Variants in IFT74 observed in about 807,000 individuals in gnomAD.
IFT74 encodes intraflagellar transport 74, also known as intraflagellar transport protein 74 homolog.
A neutral mutation model predicts 96.7 loss-of-function variants in IFT74; 92 were observed. The observed-to-expected ratio is 0.95, with a 90% CI of 0.80 to 1.13. IFT74 has a LOEUF of 1.13. Among genes scored for constraint, IFT74 ranks in the 50% most tolerant of loss-of-function variants. The pLI is 0.00. For missense variants in IFT74, 811 were observed against 698.2 expected (o/e 1.16, Z -1.82); for synonymous variants, 223 against 213.2 (o/e 1.05, Z -0.40).
intron 13 of IFT74, among the ~76,000 whole-genome samples, chr9:27,038,926 G>A (rs573203136): frequency 2.9e-4 from 44 of 152,260 alleles, no homozygotes; most frequent in Admixed American, 1.6e-3. Flanking sequence ...AGGAGAAACA[G>A]CTTCCTAGAA....
chr9:26,952,280 CTTT>C (rs201440207), upstream of IFT74, among the ~76,000 whole-genome samples: 3 of 141,650 alleles, frequency 2.1e-5, no homozygotes, highest in Admixed American at 7.1e-5. Context: ...TTTTTTTAAC[CTTT>C]TTTTTTTTTT....
At chr9:26,957,640 G>A (rs763517295) in intron 1 of IFT74, among the ~76,000 whole-genome samples, 1 of 152,178 alleles carries the variant, frequency 6.6e-6, no homozygotes, top group Non-Finnish European at 1.5e-5. Flanking sequence ...TTAGTGAGCC[G>A]TACACATAGT....
chr9:26,968,786 T>G (rs1234823151), intron 2 of IFT74, among the ~76,000 whole-genome samples: 3 of 148,022 alleles, frequency 2.0e-5, no homozygotes, highest in African/African-American at 7.3e-5. Context: ...TGATTATATT[T>G]ATTTGAGTCT....
chr9:26,947,962 C>T (rs949185472), intron 1 of IFT74, among the ~76,000 whole-genome samples: 1 of 152,150 alleles, frequency 6.6e-6, no homozygotes, highest in Admixed American at 6.5e-5. Context: ...TATTGAGTGC[C>T]AGGGTAAACA....
intron 12 of IFT74, among the ~76,000 whole-genome samples, chr9:27,024,580 C>T (rs961940144): frequency 2.6e-5 from 4 of 152,084 alleles, no homozygotes; most frequent in African/African-American, 9.7e-5. Flanking sequence ...ACCAGTAAAA[C>T]AATTCTGGTA....
At chr9:27,058,436 A>G (rs1429906620) in intron 18 of IFT74, among the ~76,000 whole-genome samples, 1 of 151,234 alleles carries the variant, frequency 6.6e-6, no homozygotes, top group Non-Finnish European at 1.5e-5. Flanking sequence ...CCCAGGCTGG[A>G]GTGCAGTGGT....
intron 1 of IFT74, among the ~76,000 whole-genome samples, chr9:26,948,594 G>A (rs918391264): frequency 6.6e-6 from 1 of 150,806 alleles, no homozygotes; most frequent in Non-Finnish European, 1.5e-5. Context: ...AGCCTCCCGA[G>A]TAGCTGGGAC....
At chr9:27,012,733 T>TTTTTTTTTTC (rs1829155568) in intron 10 of IFT74, among the ~76,000 whole-genome samples, 1 of 145,470 alleles carries the variant, frequency 6.9e-6, no homozygotes, top group African/African-American at 2.6e-5. Flanking sequence ...TTTTTTTTTT[T>TTTTTTTTTTC]TTAGACAGAG....
upstream of IFT74, among the ~76,000 whole-genome samples, chr9:26,952,100 G>A (rs991690838): frequency 7.2e-5 from 11 of 152,022 alleles, no homozygotes; most frequent in African/African-American, 2.2e-4. Flanking sequence ...TTTAGTAAGC[G>A]TTTTTCTTGG....
intron 10 of IFT74, among the ~76,000 whole-genome samples, chr9:27,015,691 T>C (rs1019218173): frequency 1.2e-4 from 18 of 152,146 alleles, no homozygotes; most frequent in African/African-American, 4.3e-4. Context: ...TTGTTCAAGT[T>C]GTAGGTCCGG....
chr9:26,953,214 C>CA (rs1281280582), upstream of IFT74, among the ~76,000 whole-genome samples: 1 of 152,098 alleles, frequency 6.6e-6, no homozygotes, highest in Non-Finnish European at 1.5e-5. Context: ...CAAATGCCTT[C>CA]AGGTTAAAAT....
At chr9:26,981,063 C>T (rs1827355355) in intron 4 of IFT74, among the ~76,000 whole-genome samples, 1 of 152,088 alleles carries the variant, frequency 6.6e-6, no homozygotes, top group South Asian at 2.1e-4. Context: ...AGTGGAAGGG[C>T]AAAAGGTGCT....
intron 7 of IFT74, among the ~76,000 whole-genome samples, chr9:26,989,668 C>T (rs182768729): frequency 6.9e-4 from 105 of 152,024 alleles, no homozygotes; most frequent in African/African-American, 2.3e-3. Flanking sequence ...AAAGTAAAAA[C>T]CTTATGTGTT....
At chr9:26,967,773 A>G (rs1388901600) in intron 2 of IFT74, among the ~76,000 whole-genome samples, 4 of 152,098 alleles carry the variant, frequency 2.6e-5, no homozygotes, top group Admixed American at 6.6e-5. Flanking sequence ...TTCCTTCTAT[A>G]CCTGGTTTTT....
At chr9:27,050,702 A>G (rs1181507000) in intron 16 of IFT74, among the ~76,000 whole-genome samples, 1 of 125,630 alleles carries the variant, frequency 8.0e-6, no homozygotes, top group African/African-American at 3.1e-5. Context: ...ACTTGGACAC[A>G]GGAAGGGGGA....
intron 2 of IFT74, among the ~76,000 whole-genome samples, chr9:26,969,380 C>T (rs1826780649): frequency 6.6e-6 from 1 of 151,754 alleles, no homozygotes; most frequent in Non-Finnish European, 1.5e-5. Flanking sequence ...GTATGTATAG[C>T]TACTCCTGCT....
chr9:27,012,735 T>C (rs796158968), intron 10 of IFT74, among the ~76,000 whole-genome samples: 3 of 118,094 alleles, frequency 2.5e-5, no homozygotes, highest in East Asian at 2.2e-4. Context: ...TTTTTTTTTT[T>C]AGACAGAGTA....
intron 8 of IFT74, chr9:26,995,739 T>C: frequency 1.9e-6 from 3 of 1,613,908 alleles, no homozygotes; most frequent in Non-Finnish European, 2.5e-6. Flanking sequence ...CTAAGCAGAA[T>C]ATTGTACCAT....
At position 27,044,764 on chromosome 9, in the gene IFT74, G is replaced by T. The variant is rs1819625701; in HGVS notation, c.1077G>T (p.Lys359Asn). The change falls in exon 14 of 20, where the codon AAG becomes AAT. Residue 359 changes from lysine (K) to asparagine (N), a missense_variant. Lys to Asn is a moderately conservative substitution (Grantham distance 94, BLOSUM62 0). Transcript: ENST00000380062. ...TAGGTGAAATGAACCAGAAATACAA[G>T]GAGCTAAAGAAAAGGGAGGAACATA... ...EHQGEMNQKYKELKKREEHMD... is the reference protein window; with the variant it reads ...EHQGEMNQKYNELKKREEHMD... 6.4e-7 allele frequency: 1 copy of T among 1,568,412 alleles called. No homozygotes were observed. The highest frequency in any genetic ancestry group is 2.3e-5 in the East Asian group (1 of 44,436).
Sources: gnomAD v4.1 joint callset for allele counts (sites outside exome capture counted in the v4.1 genomes callset) on GRCh38, gnomAD v4.1.1 for gene constraint, MANE v1.5 for transcripts, NCBI Gene and HGNC (gene_info 2026-07-23, HGNC 2026-07-21) for gene names.